CAMSAP1: variants seen among roughly 807,000 people sequenced by gnomAD.
The protein encoded by CAMSAP1 is calmodulin-regulated spectrin-associated protein 1.
Under a neutral mutation model 143.5 loss-of-function variants are expected in CAMSAP1, and 58 were observed. The ratio of observed to expected loss-of-function variants is 0.40; its 90% confidence interval spans 0.33 to 0.50. CAMSAP1 has a LOEUF of 0.50. Among genes scored for constraint, CAMSAP1 ranks in the 20% least tolerant of loss-of-function variants. CAMSAP1 has a pLI of 0.45. For synonymous variants in CAMSAP1, 945 were observed against 859.3 expected (o/e 1.10, Z -1.74); for missense variants, 1,969 against 2,115.7 (o/e 0.93, Z 1.36).
intron 1 of CAMSAP1, among the ~76,000 whole-genome samples, chr9:135,884,214 C>G (rs927912983): frequency 1.2e-4 from 19 of 152,180 alleles, no homozygotes; most frequent in African/African-American, 4.6e-4. Context: ...AGAAACCCCA[C>G]TGACTCCTAG....
rs1332413440 is a variant in CAMSAP1 at position 135,821,840 on chromosome 9, G to GAGAGTACTCCTTTGC, written c.2806_2820dup (p.Ala936_Ser940dup). The GAGAGTACTCCTTTGC allele has an allele frequency of 1.9e-6, 3 of 1,613,912 alleles. No individual in the cohort carries two copies. Among genetic ancestry groups the GAGAGTACTCCTTTGC allele is most frequent in the Non-Finnish European group, 2.5e-6 (3 of 1,179,906 alleles). ...TCCCCACAGTCCTCCCCGTTGTGCT[G>GAGAGTACTCCTTTGC]AGAGTACTCCTTTGCAAAGTGCTCC... On this transcript the variant is annotated inframe_insertion, in exon 11 of 17. Coordinates refer to ENST00000389532, the MANE Select transcript of CAMSAP1 (RefSeq NM_015447.4). The surrounding 1 kb of genome is among the most constrained non-coding windows in gnomAD (Gnocchi z 4.6).
At chr9:135,905,329 A>AATGC (rs1838745004) in intron 1 of CAMSAP1, among the ~76,000 whole-genome samples, 1 of 152,258 alleles carries the variant, frequency 6.6e-6, no homozygotes, top group Non-Finnish European at 1.5e-5. Context: ...TGAAATAAAA[A>AATGC]ATGCATGCAC....
chr9:135,846,682 C>CAAAA (rs752714756), intron 7 of CAMSAP1, among the ~76,000 whole-genome samples: 1 of 53,684 alleles, frequency 1.9e-5, no homozygotes, highest in Admixed American at 2.1e-4. Flanking sequence ...ACAAATTTAC[C>CAAAA]AAAAAAAAAA....
At chr9:135,895,532 A>G (rs555899031) in intron 1 of CAMSAP1, among the ~76,000 whole-genome samples, 8 of 152,228 alleles carry the variant, frequency 5.3e-5, no homozygotes, top group Non-Finnish European at 1.2e-4. Flanking sequence ...TCTGGTGAAG[A>G]AAAATAAAAT....
At chr9:135,865,370 C>G (rs1156643678) in intron 4 of CAMSAP1, 2 of 1,550,710 alleles carry the variant, frequency 1.3e-6, no homozygotes, top group South Asian at 2.4e-5. Context: ...GGAGACTGCT[C>G]AGGAAGCGAG....
chr9:135,818,753 G>A lies in CAMSAP1; in HGVS notation c.3960-137C>T, dbSNP rs971093823. 12 of 1,159,678 alleles carry A rather than the reference G, an allele frequency of 1.0e-5. No homozygotes were observed. Among genetic ancestry groups the A allele is most frequent in the Non-Finnish European group, 1.3e-5 (11 of 839,534 alleles). The allele number at this position is 1,159,678 out of a possible 1,614,324, so 71.8% of individuals were successfully genotyped here. A position where few individuals can be genotyped will look rare whatever the true frequency, so the allele number is the denominator to read the frequency against. On this transcript the variant is annotated intron_variant, in intron 12 of 16. Transcript: ENST00000389532. The surrounding 1 kb of genome is among the most constrained non-coding windows in gnomAD (Gnocchi z 7.7). ...CCAAGAGTGGCCAGCCTCCACAAGCGGGACACAGAGGCTGCAAAGGCAGTC... is the reference window on the plus strand; with the variant it reads ...CCAAGAGTGGCCAGCCTCCACAAGCAGGACACAGAGGCTGCAAAGGCAGTC...
At chr9:135,862,022 A>G (rs907844435) in intron 5 of CAMSAP1, among the ~76,000 whole-genome samples, 3 of 152,174 alleles carry the variant, frequency 2.0e-5, no homozygotes, top group African/African-American at 7.2e-5. Context: ...CCCATCCTCA[A>G]ACTAAGTTCT....
In CAMSAP1 at chr9:135,824,109, T is replaced by C. The variant is rs1026595288; in HGVS notation, c.1316-75A>G. 7.4e-7 allele frequency: 1 copy of C among 1,358,736 alleles called. No homozygotes were observed. 84.2% of individuals were successfully genotyped at this position (1,358,736 alleles called of 1,614,324 possible). A position where few individuals can be genotyped will look rare whatever the true frequency, so the allele number is the denominator to read the frequency against. ...TTGAAATTCTTTCAATATGACCATT[T>C]GTCCAGAAAAATGCCTCTCAAGTCA... On this transcript the variant is annotated intron_variant, in intron 9 of 16. Coordinates refer to ENST00000389532, the MANE Select transcript of CAMSAP1 (RefSeq NM_015447.4). This position sits in a 1 kb window ranked among gnomAD's most constrained non-coding sequence, Gnocchi z 4.1.
At chr9:135,866,371 C>G in intron 4 of CAMSAP1, 85 bp downstream of exon 4, 1 of 727,010 alleles carries the variant, frequency 1.4e-6, no homozygotes. Flanking sequence ...AGAGAATAAG[C>G]AAATAGTGGG....
At chr9:135,898,696 A>C (rs1838527695) in intron 1 of CAMSAP1, among the ~76,000 whole-genome samples, 1 of 152,212 alleles carries the variant, frequency 6.6e-6, no homozygotes, top group African/African-American at 2.4e-5. Context: ...ACATAACTAA[A>C]ATCAAAAAGA....
At chr9:135,836,926 T>G (rs1836076303) in intron 7 of CAMSAP1, 1 of 982,966 alleles carries the variant, frequency 1.0e-6, no homozygotes, top group Non-Finnish European at 1.2e-6. Context: ...CACCACACAC[T>G]TTCTACCCGT....
intron 1 of CAMSAP1, among the ~76,000 whole-genome samples, chr9:135,899,417 TA>T (rs577120532): frequency 0.019 from 2,321 of 125,344 alleles, 15 homozygotes; most frequent in Middle Eastern, 0.036. Flanking sequence ...TTGTCTCTAT[TA>T]AAAAAAAAAA....
chr9:135,816,143 A>C, intron 14 of CAMSAP1, 138 bp from the exon 15 acceptor site: 1 of 695,782 alleles, frequency 1.4e-6, no homozygotes, highest in Admixed American at 2.5e-5. Context: ...TGGGGGCTCG[A>C]GTTGCCACAA....
chr9:135,832,288 A>AT (rs1177556230), intron 7 of CAMSAP1, among the ~76,000 whole-genome samples: 2 of 152,250 alleles, frequency 1.3e-5, no homozygotes, highest in African/African-American at 4.8e-5. Context: ...TGCAGAACAC[A>AT]TTAACAGAAT....
intron 6 of CAMSAP1, 30 bp from the exon 7 acceptor site, chr9:135,850,263 T>C (rs781766324): frequency 6.2e-7 from 1 of 1,612,842 alleles, no homozygotes; most frequent in Non-Finnish European, 8.5e-7. Flanking sequence ...AACCAAAGTA[T>C]GATAAGCAGT....
intron 7 of CAMSAP1, among the ~76,000 whole-genome samples, chr9:135,833,082 T>C (rs1278579724): frequency 2.1e-5 from 3 of 140,090 alleles, no homozygotes; most frequent in African/African-American, 8.9e-5. Flanking sequence ...AGTAATCTTT[T>C]TTTTTTTTTT....
In CAMSAP1 at chr9:135,819,036, C is replaced by G. The variant is rs1245677824; in HGVS notation, c.3933G>C (p.Glu1311Asp). The G allele has an allele frequency of 1.9e-6, 3 of 1,606,730 alleles. No homozygotes were observed. The African/African-American group carries it at 4.0e-5, about 21-fold the overall frequency. Residue 1311 changes from glutamate to aspartate, a missense_variant, in exon 12 of 17, where the codon GAG becomes GAC. Glu to Asp is a conservative substitution (Grantham distance 45). Transcript: ENST00000389532. Reference protein sequence around the residue: ...ARVRKQQLEAEVELKRDEARR... With the variant: ...ARVRKQQLEADVELKRDEARR... ...GGGCTTCGTCACGCTTGAGCTCCAC[C>G]TCCGCTTCCAGCTGCTGCTTGCGCA...
intron 7 of CAMSAP1, among the ~76,000 whole-genome samples, chr9:135,835,713 T>G (rs1303906267): frequency 2.6e-5 from 4 of 152,222 alleles, no homozygotes; most frequent in African/African-American, 9.6e-5. Flanking sequence ...GCACGGTGGC[T>G]CACGCCTGTA....
chr9:135,867,245 A>G (rs1837409379), intron 3 of CAMSAP1, among the ~76,000 whole-genome samples: 1 of 151,856 alleles, frequency 6.6e-6, no homozygotes, highest in South Asian at 2.1e-4. Flanking sequence ...ACTGTTTTTA[A>G]AAATAAAGAC....
Sources: gnomAD v4.1 joint callset for allele counts (sites outside exome capture counted in the v4.1 genomes callset) on GRCh38, gnomAD v4.1.1 for gene constraint, Gnocchi (gnomAD v3.1) non-coding constraint, MANE v1.5 for transcripts, NCBI Gene and HGNC (gene_info 2026-07-23, HGNC 2026-07-21) for gene names.